Variants in EIF4ENIF1 observed in about 807,000 individuals in gnomAD.
EIF4ENIF1 encodes eukaryotic translation initiation factor 4E nuclear import factor 1.
EIF4ENIF1 carries 23 observed loss-of-function variants against 110.5 expected under a neutral mutation model. The observed-to-expected ratio is 0.21, with a 90% CI of 0.15 to 0.29. The LOEUF (loss-of-function observed/expected upper bound fraction) is 0.29, where lower values mean the gene tolerates loss of function less well. EIF4ENIF1 is among the 10% of genes least tolerant of loss of function. The pLI is 1.00. For missense variants in EIF4ENIF1, 1,031 were observed against 1,221.1 expected, an observed-to-expected ratio of 0.84 and a Z score of 2.32; for synonymous variants, 440 against 437.0, an observed-to-expected ratio of 1.01 and a Z score of -0.09.
intron 2 of EIF4ENIF1, among the ~76,000 whole-genome samples, chr22:31,474,191 G>A (rs1174670767): frequency 2.0e-5 from 3 of 151,950 alleles, no homozygotes. Flanking sequence ...CCGAATAGCT[G>A]GGACTACAGG....
intron 4 of EIF4ENIF1, among the ~76,000 whole-genome samples, chr22:31,466,285 C>T (rs1323931408): frequency 2.6e-5 from 4 of 152,086 alleles, no homozygotes; most frequent in Admixed American, 6.6e-5. Context: ...TGGTGGCGCA[C>T]GCCTATAATC....
Position 31,446,146 on chromosome 22 carries a change from G to A in EIF4ENIF1, c.1988+1280C>T, listed in dbSNP as rs2050466859. On this transcript the variant is annotated intron_variant, in intron 14 of 18. Coordinates refer to ENST00000330125, the MANE Select transcript of EIF4ENIF1 (RefSeq NM_019843.4). ...TAAAAATACAAAAAACTAGCCGGGT[G>A]TGGTGGCACACTCCTGTAATCCTAG... 2.0e-5 allele frequency among the ~76,000 whole-genome samples: 3 copies of A among 151,922 alleles called. No homozygotes were observed. The South Asian group carries it at 6.3e-4, about 32-fold the overall frequency.
rs1008273704 is a variant in EIF4ENIF1, at chr22:31,482,060, A to G, written c.96+6563T>C. ...GTGACACACACCTGTAGTCCTAGCTACTCAGGAGGCTGAGGTGGAAGGATC... is the reference window on the plus strand; with the variant it reads ...GTGACACACACCTGTAGTCCTAGCTGCTCAGGAGGCTGAGGTGGAAGGATC... On this transcript the variant is annotated intron_variant, in intron 2 of 18. Transcript: ENST00000330125. Among the ~76,000 whole-genome samples, 8 of 151,778 alleles carry G rather than the reference A, an allele frequency of 5.3e-5. 2 individuals are homozygous for G. The highest frequency in any genetic ancestry group is 5.9e-5 in the Non-Finnish European group (4 of 67,966).
chr22:31,450,285 G>A lies in EIF4ENIF1; in HGVS notation c.1584+4C>T. On this transcript the variant is annotated splice_donor_region_variant and intron_variant, in intron 11 of 18. Transcript: ENST00000330125. ...CAAGGCCTCAGTATAAGATTGTGAA[G>A]TACCTGCAGGATGTTCTTAGGGACA... 6.2e-7 allele frequency: 1 copy of A among 1,612,570 alleles called. No homozygotes were observed. Among genetic ancestry groups the A allele is most frequent in the Non-Finnish European group, 8.5e-7 (1 of 1,178,812 alleles).
chr22:31,441,195 G>C (rs1020267898), intron 17 of EIF4ENIF1, among the ~76,000 whole-genome samples: 26 of 152,258 alleles, frequency 1.7e-4, no homozygotes, highest in South Asian at 2.1e-4. Context: ...AGAGGTTGCA[G>C]TGAGCAGAGA....
At position 31,468,217 on chromosome 22, in the gene EIF4ENIF1, C is replaced by T; in HGVS notation, c.256G>A (p.Glu86Lys). The part of the protein sequence containing the change: ...RSSPVESLKK[E>K]LDTDRPSLVR... The stretch of plus-strand genomic sequence containing the variant: ...AGGGAAGGCCGGTCTGTATCCAACT[C>T]TTTCTTCAGACTTTCCACTGGTGAG... Residue 86 changes from glutamate (E) to lysine (K), a missense_variant, in exon 4 of 19, where the codon GAG (glutamate) becomes AAG (lysine). By Grantham distance (56) the Glu-to-Lys change is moderately conservative. Coordinates refer to ENST00000330125, the MANE Select transcript of EIF4ENIF1 (RefSeq NM_019843.4). The T allele has an allele frequency of 6.2e-7, 1 of 1,614,216 alleles. No individual in the cohort carries two copies. The highest frequency in any genetic ancestry group is 8.5e-7 in the Non-Finnish European group (1 of 1,180,038).
intron 7 of EIF4ENIF1, among the ~76,000 whole-genome samples, chr22:31,456,384 C>T (rs1001995153): frequency 1.6e-4 from 24 of 151,828 alleles, no homozygotes; most frequent in Admixed American, 2.0e-4. Context: ...CCACCACGCC[C>T]GGCTAATTTT....
At chr22:31,459,871 T>G (rs2050938409) in intron 6 of EIF4ENIF1, among the ~76,000 whole-genome samples, 2 of 152,216 alleles carry the variant, frequency 1.3e-5, no homozygotes, top group African/African-American at 4.8e-5. Flanking sequence ...ATCCATCCCT[T>G]CTCTCCAGGT....
intron 17 of EIF4ENIF1, among the ~76,000 whole-genome samples, chr22:31,441,275 C>T (rs980064848): frequency 2.8e-4 from 43 of 151,350 alleles, no homozygotes; most frequent in East Asian, 3.9e-4. Context: ...CTCTGGCTCA[C>T]GCCTGTAATC....
In EIF4ENIF1 at chr22:31,458,682, A is replaced by G; in HGVS notation, c.788-32T>C. On this transcript the variant is annotated intron_variant, in intron 6 of 18. Coordinates refer to ENST00000330125, the MANE Select transcript of EIF4ENIF1 (RefSeq NM_019843.4). The stretch of plus-strand genomic sequence containing the variant: ...GCAAAACCAGGACAAAAACCGTCTG[A>G]TAAGTAAATCACTCCAGTGTCCCTC... The G allele has an allele frequency of 3.9e-6, 6 of 1,541,340 alleles. 1 individual carries two copies. The highest frequency in any genetic ancestry group is 3.6e-5 in the South Asian group (3 of 82,618).
chr22:31,450,506 T>G, intron 10 of EIF4ENIF1, 146 bp from the exon 11 acceptor site: 1 of 567,754 alleles, frequency 1.8e-6, no homozygotes, highest in South Asian at 1.9e-5. Flanking sequence ...GACCAACGTG[T>G]TCCGCTCTCA....
chr22:31,438,260 C>T (rs923808726), downstream of EIF4ENIF1, among the ~76,000 whole-genome samples: 7 of 152,244 alleles, frequency 4.6e-5, no homozygotes, highest in African/African-American at 1.7e-4. Flanking sequence ...CATAGCAGGA[C>T]TGAAAAACCT....
At chr22:31,493,222 G>A (rs2052298491), upstream of EIF4ENIF1, among the ~76,000 whole-genome samples, 1 of 151,870 alleles carries the variant, frequency 6.6e-6, no homozygotes, top group African/African-American at 2.4e-5. Context: ...GTAGAGACAG[G>A]GTTTCACCAC....
Position 31,456,102 on chromosome 22 carries a change from GATAA to G in EIF4ENIF1, c.964-119_964-116del, listed in dbSNP as rs1465282735. 32 of 1,037,146 alleles carry G rather than the reference GATAA, an allele frequency of 3.1e-5. 1 individual carries two copies. The highest frequency in any genetic ancestry group is 4.4e-5 in the Non-Finnish European group (32 of 727,758). The allele number at this position is 1,037,146 out of a possible 1,614,324, so 64.2% of individuals were successfully genotyped here. On this transcript the variant is annotated intron_variant, in intron 7 of 18. Coordinates refer to ENST00000330125, the MANE Select transcript of EIF4ENIF1 (RefSeq NM_019843.4). ...CTTCCTTTCATGCTCGTGACCTGAA[GATAA>G]ATACTCTCAGAACCTAGGAATTTGA...
intron 18 of EIF4ENIF1, 89 bp from the exon 19 acceptor site, chr22:31,440,210 CTTTACTAGAGGATTTT>C (rs1222338957): frequency 1.3e-6 from 2 of 1,586,966 alleles, no homozygotes; most frequent in African/African-American, 2.7e-5. Flanking sequence ...AAAGAAAAGT[CTTTACTAGAGGATTTT>C]TTCTAGGGCT....
downstream of EIF4ENIF1, among the ~76,000 whole-genome samples, chr22:31,438,060 T>C (rs1183621462): frequency 6.6e-6 from 1 of 152,190 alleles, no homozygotes; most frequent in Non-Finnish European, 1.5e-5. Flanking sequence ...TTATAGTCAT[T>C]ATTCCCTAAC....
chr22:31,444,544 T>G (rs2050401385), intron 15 of EIF4ENIF1, 62 bp downstream of exon 15: 1 of 1,501,942 alleles, frequency 6.7e-7, no homozygotes, highest in Non-Finnish European at 9.3e-7. Flanking sequence ...AGTGGTACAA[T>G]CCATGCACAA....
intron 17 of EIF4ENIF1, 45 bp from the exon 18 acceptor site, chr22:31,440,913 C>G: frequency 6.2e-7 from 1 of 1,607,822 alleles, no homozygotes. Flanking sequence ...TTAATGTTAC[C>G]TGGAAGTTTT....
At chr22:31,476,962 TTGAGGGAGACCCTGTCTC>T (rs1475633439) in intron 2 of EIF4ENIF1, among the ~76,000 whole-genome samples, 2 of 149,968 alleles carry the variant, frequency 1.3e-5, no homozygotes, top group African/African-American at 4.9e-5. Context: ...TGCACCCTTT[TTGAGGGAGACCCTGTCTC>T]AAAAAAAAAA....
Sources: allele counts gnomAD v4.1 joint callset (sites outside exome capture counted in the v4.1 genomes callset), GRCh38; gene constraint gnomAD v4.1.1; transcripts MANE v1.5; gene names NCBI Gene and HGNC (gene_info 2026-07-23, HGNC 2026-07-21).